The following FBXL18 variants were observed in gnomAD, a reference collection of about 807,000 sequenced individuals.
The protein encoded by FBXL18 is F-box/LRR-repeat protein 18.
FBXL18 carries 36 observed loss-of-function variants against 46.0 expected under a neutral mutation model. The ratio of observed to expected loss-of-function variants is 0.78; its 90% CI spans 0.60 to 1.03. The LOEUF is 1.03. Among genes scored for constraint, FBXL18 ranks in the 50% least tolerant of loss-of-function variants. FBXL18 has a pLI of 0.00. For missense variants in FBXL18, 977 were observed against 1,004.1 expected, an observed-to-expected ratio of 0.97 and a Z score of 0.36; for synonymous variants, 557 against 465.3, an observed-to-expected ratio of 1.20 and a Z score of -2.54.
intron 4 of FBXL18, among the ~76,000 whole-genome samples, chr7:5,461,448 A>G (rs1783245284): frequency 6.6e-6 from 1 of 152,166 alleles, no homozygotes; most frequent in Non-Finnish European, 1.5e-5. Flanking sequence ...AACCACCTTT[A>G]CTTTTGCACC....
At chr7:5,461,039 C>T (rs946061637) in intron 4 of FBXL18, among the ~76,000 whole-genome samples, 9 of 152,168 alleles carry the variant, frequency 5.9e-5, no homozygotes, top group African/African-American at 1.7e-4. Flanking sequence ...CCATAAATTG[C>T]CTTCTGCATT....
chr7:5,500,328 G>A (rs1784200448), intron 3 of FBXL18, among the ~76,000 whole-genome samples, 160 bp downstream of exon 3: 1 of 152,086 alleles, frequency 6.6e-6, no homozygotes, highest in African/African-American at 2.4e-5. Flanking sequence ...TCTAGATGCC[G>A]CTCTCCCCAG....
intron 4 of FBXL18, among the ~76,000 whole-genome samples, chr7:5,456,201 G>A (rs1783170831): frequency 6.6e-6 from 1 of 152,150 alleles, no homozygotes; most frequent in African/African-American, 2.4e-5. Context: ...CCCGCTGCCT[G>A]CTCCCATCCC....
downstream of FBXL18, among the ~76,000 whole-genome samples, chr7:5,471,981 G>A (rs1034494365): frequency 2.0e-5 from 3 of 152,124 alleles, no homozygotes; most frequent in South Asian, 2.1e-4. Flanking sequence ...CCACCTCCTC[G>A]GGAGGCTGGG....
At chr7:5,470,240 G>A (rs941801495) in intron 4 of FBXL18, among the ~76,000 whole-genome samples, 3 of 152,270 alleles carry the variant, frequency 2.0e-5, no homozygotes, top group East Asian at 1.9e-4. Flanking sequence ...CACAGAGGCC[G>A]ATCCCCAGAG....
At chr7:5,468,368 T>C (rs925888183) in intron 4 of FBXL18, among the ~76,000 whole-genome samples, 43 of 151,602 alleles carry the variant, frequency 2.8e-4, no homozygotes, top group African/African-American at 1.0e-3. Flanking sequence ...CTGCCCGCCT[T>C]GGCCTCCCAA....
At chr7:5,482,769 G>T (rs1783681581) in intron 4 of FBXL18, among the ~76,000 whole-genome samples, 1 of 152,174 alleles carries the variant, frequency 6.6e-6, no homozygotes, top group Non-Finnish European at 1.5e-5. Flanking sequence ...TGCATTTGTG[G>T]CTTGCCCCTG....
chr7:5,468,697 C>A (rs1174865304), intron 4 of FBXL18, among the ~76,000 whole-genome samples: 2 of 152,032 alleles, frequency 1.3e-5, no homozygotes, highest in African/African-American at 4.8e-5. Flanking sequence ...AACTCCTGGG[C>A]TCAAACGATC....
In FBXL18 at chr7:5,465,389, C is replaced by T. The variant is rs1026073911; in HGVS notation, c.2001-17546G>A. Among the ~76,000 whole-genome samples the T allele has an allele frequency of 7.2e-5, 11 of 152,026 alleles. No individual in the cohort carries two copies. In the South Asian group the frequency reaches 1.7e-3, roughly 23 times the overall value. ...GTAATTTTTGTATGTTTAGTCGAGA[C>T]GGGGTTTCACCATGTTGGTCAGGCT... On this transcript the variant is annotated intron_variant and NMD_transcript_variant, in intron 4 of 6. Coordinates refer to the FBXL18 transcript ENST00000415009.
Position 5,501,542 on chromosome 7 carries a change from T to C in FBXL18, c.727A>G (p.Asn243Asp). 1 of 1,613,838 alleles carries C rather than the reference T, an allele frequency of 6.2e-7. No individual in the cohort carries two copies. ...AGGTAGAGCCGCACCACCTCCTGGT[T>C]GATGTAGCCGGGGGCCAGGCGCGCA... ...FYARLAPGYI[N>D]QEVVRLYLAV... The change falls in exon 3 of 5, where the codon AAC becomes GAC. Residue 243 changes from asparagine (N) to aspartate (D), a missense_variant. By Grantham distance (23) the Asn-to-Asp change is conservative. Coordinates refer to ENST00000382368, the MANE Select transcript of FBXL18 (RefSeq NM_024963.6).
intron 1 of FBXL18, among the ~76,000 whole-genome samples, chr7:5,509,189 T>C (rs1336399319): frequency 7.9e-6 from 1 of 126,704 alleles, no homozygotes; most frequent in Non-Finnish European, 1.7e-5. Context: ...TGAGACTCTG[T>C]CTCAAAAAAA....
intron 3 of FBXL18, among the ~76,000 whole-genome samples, chr7:5,500,212 G>A (rs1235405735): frequency 6.6e-6 from 1 of 152,038 alleles, no homozygotes; most frequent in Non-Finnish European, 1.5e-5. Context: ...GCAGGGTCCT[G>A]AGACGATTTC....
Position 5,501,482 on chromosome 7 carries a change from G to T in FBXL18, c.787C>A (p.His263Asn). The change falls in exon 3 of 5, where the codon CAC becomes AAC. Residue 263 changes from histidine to asparagine, a missense_variant. Physicochemically the swap from His to Asn is moderately conservative, Grantham distance 68. Transcript: ENST00000382368. ...CCAGGGACGGAGATGAGGAAGGCGT[G>T]GAGGTTCTGAGGAGTGCGGTCGCTA... ...VLSDRTPQNL[H>N]AFLISVPGSF... is the part of the protein sequence containing the mutation. 6.2e-7 allele frequency: 1 copy of T among 1,613,912 alleles called. No individual in the cohort carries two copies.
At chr7:5,462,972 AT>A (rs1562671805) in intron 4 of FBXL18, among the ~76,000 whole-genome samples, 192 of 15,576 alleles carry the variant, frequency 0.012, 7 homozygotes, top group Middle Eastern at 0.05. Context: ...AAAAAAAAAT[AT>A]ATATATATAT....
At chr7:5,505,712 G>C (rs528904853) in intron 1 of FBXL18, 82 bp from the exon 2 acceptor site, 6 of 1,173,760 alleles carry the variant, frequency 5.1e-6, no homozygotes, top group Non-Finnish European at 7.5e-6. Context: ...GAGAAGCAAA[G>C]AGAAGCCCTT....
chr7:5,469,555 G>T (rs73043439), intron 4 of FBXL18, among the ~76,000 whole-genome samples: 3,813 of 146,098 alleles, frequency 0.026, 61 homozygotes, highest in African/African-American at 0.042. Flanking sequence ...GGTGTGTGTG[G>T]GGGGGGTGTA....
Position 5,477,457 on chromosome 7 carries a change from C to G in FBXL18, c.*4318G>C, listed in dbSNP as rs1190568441. Among the ~76,000 whole-genome samples the G allele has an allele frequency of 2.0e-5, 3 of 152,176 alleles. No homozygotes were observed. Among genetic ancestry groups the G allele is most frequent in the Non-Finnish European group, 4.4e-5 (3 of 68,036 alleles). ...GTGGCTCACACCTGTTATCCTAGCACTTTGGGAGGCCGAGGCAGGAGAATC... is the reference window on the plus strand; with the variant it reads ...GTGGCTCACACCTGTTATCCTAGCAGTTTGGGAGGCCGAGGCAGGAGAATC... On this transcript the variant is annotated 3_prime_UTR_variant, in exon 5 of 5. Coordinates refer to ENST00000382368, the MANE Select transcript of FBXL18 (RefSeq NM_024963.6). This position sits in a 1 kb window ranked among gnomAD's most constrained non-coding sequence, Gnocchi z 4.4.
intron 3 of FBXL18, among the ~76,000 whole-genome samples, chr7:5,494,062 C>T (rs909099059): frequency 2.0e-5 from 3 of 151,958 alleles, no homozygotes; most frequent in South Asian, 2.1e-4. Context: ...CACCTGAAAT[C>T]GGGAGTTTGA....
downstream of FBXL18, among the ~76,000 whole-genome samples, chr7:5,473,137 A>G (rs1347868889): frequency 1.3e-5 from 2 of 152,070 alleles, no homozygotes; most frequent in South Asian, 2.1e-4. Flanking sequence ...CGGTGTGTAC[A>G]TGTCAAGCTG....
Sources: allele counts gnomAD v4.1 joint callset (sites outside exome capture counted in the v4.1 genomes callset), GRCh38; gene constraint gnomAD v4.1.1; non-coding constraint Gnocchi (gnomAD v3.1); transcripts MANE v1.5; gene names NCBI Gene and HGNC (gene_info 2026-07-23, HGNC 2026-07-21).